The following CYFIP1 variants were observed in gnomAD, a reference collection of about 807,000 sequenced individuals.
CYFIP1 encodes the protein cytoplasmic FMR1-interacting protein 1.
CYFIP1 carries 58 observed loss-of-function variants against 163.5 expected under a neutral mutation model. The ratio of observed to expected loss-of-function variants is 0.35; its 90% confidence interval spans 0.29 to 0.44. CYFIP1 has a LOEUF of 0.44. CYFIP1 is among the 20% of genes least tolerant of loss of function. The probability of loss-of-function intolerance (pLI) is 1.00; values close to 1 mark genes in which losing one functional copy is unlikely to be tolerated. For synonymous variants in CYFIP1, 663 were observed against 660.7 expected (o/e 1.00, Z -0.05); for missense variants, 1,338 against 1,653.8 (o/e 0.81, Z 3.31).
intron 23 of CYFIP1, among the ~76,000 whole-genome samples, chr15:22,890,787 C>T (rs1219867056): frequency 8.7e-6 from 1 of 114,832 alleles, no homozygotes; most frequent in Non-Finnish European, 1.8e-5. Flanking sequence ...CAGCGGAGGC[C>T]GCACCTGCCA....
chr15:22,912,048 C>T, intron 18 of CYFIP1, 131 bp downstream of exon 18: 1 of 776,372 alleles, frequency 1.3e-6, no homozygotes, highest in Non-Finnish European at 2.0e-6. Flanking sequence ...GAAGGGCTTG[C>T]TCCCACATGC....
chr15:22,935,861 T>A (rs1052435878), intron 9 of CYFIP1, among the ~76,000 whole-genome samples: 9 of 152,234 alleles, frequency 5.9e-5, no homozygotes, highest in Non-Finnish European at 1.2e-4. Context: ...ACAATGTGTA[T>A]GTGTATCAAA....
intron 23 of CYFIP1, 148 bp from the exon 24 acceptor site, chr15:22,883,159 C>G (rs2059817306): frequency 2.3e-6 from 2 of 855,718 alleles, no homozygotes; most frequent in Non-Finnish European, 3.4e-6. Flanking sequence ...TTAACTGGTA[C>G]AGTTACAAAA....
chr15:22,928,880 G>C (rs764603594), intron 11 of CYFIP1, among the ~76,000 whole-genome samples: 222 of 152,132 alleles, frequency 1.5e-3, no homozygotes, highest in Non-Finnish European at 1.5e-3. Flanking sequence ...CATGACCACT[G>C]AGAGGACCCT....
chr15:22,878,997 G>A (rs533673209), intron 26 of CYFIP1, among the ~76,000 whole-genome samples: 97 of 152,196 alleles, frequency 6.4e-4, no homozygotes, highest in Admixed American at 5.1e-3. Context: ...TTAGCTGGGC[G>A]TGGTGGTGGG....
chr15:22,973,035 C>T (rs566277166), intron 1 of CYFIP1, among the ~76,000 whole-genome samples: 13 of 152,092 alleles, frequency 8.5e-5, no homozygotes, highest in Non-Finnish European at 5.9e-5. Flanking sequence ...ACTCAGGAGG[C>T]TGAGACAGGA....
intron 22 of CYFIP1, among the ~76,000 whole-genome samples, chr15:22,893,267 C>G (rs1263956892): frequency 6.6e-6 from 1 of 152,220 alleles, no homozygotes; most frequent in Admixed American, 6.5e-5. Flanking sequence ...CTCGTGGGCT[C>G]TGCTGCGCTT....
rs1233226064 is a variant in CYFIP1 at position 22,867,227 on chromosome 15, C to CT, written c.*2800dup. On this transcript the variant is annotated 3_prime_UTR_variant, in exon 31 of 31. Coordinates refer to ENST00000617928, the MANE Select transcript of CYFIP1 (RefSeq NM_014608.6). ...TCCATCAATCCCTGACCATGTAAGG[C>CT]TTTTTTATTTTAAAAAAACAGAGTT... 4 of 404,500 alleles carry CT rather than the reference C, an allele frequency of 9.9e-6. No individual in the cohort carries two copies. Among genetic ancestry groups the CT allele is most frequent in the African/African-American group, 4.1e-5 (2 of 48,638 alleles). The allele number at this position is 404,500 out of a possible 1,614,324, so 25.1% of individuals were successfully genotyped here. A position where few individuals can be genotyped will look rare whatever the true frequency, so the allele number is the denominator to read the frequency against.
At chr15:22,926,239 A>G in intron 12 of CYFIP1, 132 bp from the exon 13 acceptor site, 1 of 1,324,380 alleles carries the variant, frequency 7.6e-7, no homozygotes, top group Non-Finnish European at 1.0e-6. Flanking sequence ...GTCACACATG[A>G]GGGCGCACAC....
chr15:22,872,708 T>C, intron 30 of CYFIP1, 117 bp downstream of exon 30: 2 of 1,021,710 alleles, frequency 2.0e-6, no homozygotes, highest in East Asian at 5.0e-5. Context: ...AAAGTTTCTG[T>C]TGGTGGCACC....
At chr15:22,955,356 C>T (rs761324921) in intron 1 of CYFIP1, among the ~76,000 whole-genome samples, 15 of 152,342 alleles carry the variant, frequency 9.8e-5, no homozygotes, top group African/African-American at 2.6e-4. Context: ...GACCCAGTGC[C>T]GGGTGCCCAC....
intron 27 of CYFIP1, among the ~76,000 whole-genome samples, 160 bp from the exon 28 acceptor site, chr15:22,874,804 T>A (rs1267608339): frequency 1.3e-5 from 2 of 152,230 alleles, no homozygotes; most frequent in Non-Finnish European, 2.9e-5. Flanking sequence ...TTTAATATTT[T>A]AATTCAAACC....
chr15:22,876,753 C>T (rs528589491), intron 26 of CYFIP1, among the ~76,000 whole-genome samples: 2 of 151,976 alleles, frequency 1.3e-5, no homozygotes, highest in Non-Finnish European at 2.9e-5. Context: ...ATCACTTGAA[C>T]CCAGGAGGTA....
intron 9 of CYFIP1, among the ~76,000 whole-genome samples, chr15:22,935,676 G>A (rs1391319710): frequency 6.6e-6 from 1 of 152,064 alleles, no homozygotes; most frequent in Non-Finnish European, 1.5e-5. Context: ...TTTCAATTCC[G>A]CAGCATAGTT....
chr15:22,977,327 T>C (rs1156656420), intron 1 of CYFIP1, among the ~76,000 whole-genome samples: 1 of 152,224 alleles, frequency 6.6e-6, no homozygotes, highest in Admixed American at 6.5e-5. Context: ...TAGATAATCA[T>C]GTTGTCAGCA....
rs1191524789 is a variant in CYFIP1, at chr15:22,944,640, G to A, written c.305C>T (p.Pro102Leu). Residue 102 changes from proline to leucine, a missense_variant, in exon 5 of 31, where the codon CCT becomes CTT. This residue lies in a region of CYFIP1 where 186 missense variants were observed against 288.3 expected (regional missense o/e 0.65). Coordinates refer to ENST00000617928, the MANE Select transcript of CYFIP1 (RefSeq NM_014608.6). The stretch of plus-strand genomic sequence containing the variant: ...TTTCTCGTAGATTTCCACTCTGTTA[G>A]GCTGCTCGTTACATTTCACCTGGGA... ...AIPQVKCNEQ[P>L]NRVEIYEKTV... 6.2e-7 allele frequency: 1 copy of A among 1,613,870 alleles called. No individual in the cohort carries two copies. The highest frequency in any genetic ancestry group is 1.7e-5 in the Admixed American group (1 of 60,024).
At chr15:22,960,664 A>G (rs1226460937) in intron 1 of CYFIP1, among the ~76,000 whole-genome samples, 2 of 152,240 alleles carry the variant, frequency 1.3e-5, no homozygotes, top group African/African-American at 4.8e-5. Context: ...CATCCAGAAC[A>G]TGTGAAGGAA....
At chr15:22,874,705 G>T in intron 27 of CYFIP1, 61 bp from the exon 28 acceptor site, 1 of 1,149,866 alleles carries the variant, frequency 8.7e-7, no homozygotes, top group Non-Finnish European at 1.2e-6. Context: ...TAATTGCAAA[G>T]GTTTACATTT....
At chr15:22,897,104 T>C (rs2060261002) in intron 22 of CYFIP1, among the ~76,000 whole-genome samples, 1 of 151,990 alleles carries the variant, frequency 6.6e-6, no homozygotes, top group African/African-American at 2.4e-5. Flanking sequence ...TCTCAGGTAC[T>C]CGGGAGGCTG....
Sources: allele counts gnomAD v4.1 joint callset (sites outside exome capture counted in the v4.1 genomes callset), GRCh38; gene constraint gnomAD v4.1.1; regional missense constraint gnomAD v4.1.1; transcripts MANE v1.5; gene names NCBI Gene and HGNC (gene_info 2026-07-23, HGNC 2026-07-21).